Variants in PREP observed in about 807,000 individuals in gnomAD.
The protein encoded by PREP is dJ355L5.1 (prolyl endopeptidase).
In PREP, 29 loss-of-function variants were observed where a neutral mutation model predicts 87.6. The ratio of observed to expected loss-of-function variants is 0.33; its 90% CI spans 0.25 to 0.45. The LOEUF (loss-of-function observed/expected upper bound fraction) is 0.45. Ranked by LOEUF, PREP falls within the 20% of genes least tolerant of loss-of-function variation. The pLI, the probability that PREP is intolerant of heterozygous loss-of-function variation, is 1.00. For missense variants in PREP, 695 were observed against 886.5 expected (o/e 0.78, Z 2.74); for synonymous variants, 337 against 328.6 (o/e 1.03, Z -0.28).
intron 10 of PREP, among the ~76,000 whole-genome samples, chr6:105,301,393 C>A (rs1266133594): frequency 1.3e-5 from 2 of 152,202 alleles, no homozygotes; most frequent in Non-Finnish European, 2.9e-5. Flanking sequence ...CATTCCATTA[C>A]CAAAAGAACT....
chr6:105,287,803 T>C (rs543529189), intron 11 of PREP, among the ~76,000 whole-genome samples: 21 of 152,342 alleles, frequency 1.4e-4, no homozygotes, highest in African/African-American at 4.8e-4. Flanking sequence ...TCCTTGTTTT[T>C]ATTAAAAGTG....
intron 2 of PREP, among the ~76,000 whole-genome samples, chr6:105,378,895 C>T (rs1454112435): frequency 6.6e-6 from 1 of 152,176 alleles, no homozygotes; most frequent in Admixed American, 6.5e-5. Context: ...TCCAAGCTCA[C>T]AATGGTCTTC....
intron 10 of PREP, among the ~76,000 whole-genome samples, chr6:105,304,397 C>T (rs1370115957): frequency 2.0e-5 from 3 of 152,264 alleles, no homozygotes; most frequent in Non-Finnish European, 4.4e-5. Flanking sequence ...GTCATTCTGA[C>T]GCAGATAAAT....
chr6:105,336,209 G>A (rs762461718), intron 7 of PREP, among the ~76,000 whole-genome samples: 6 of 152,022 alleles, frequency 3.9e-5, no homozygotes, highest in Non-Finnish European at 7.4e-5. Flanking sequence ...GCAGTGAGCC[G>A]AGATCACACC....
chr6:105,308,325 C>T (rs1770693330), intron 10 of PREP, among the ~76,000 whole-genome samples: 1 of 152,134 alleles, frequency 6.6e-6, no homozygotes, highest in South Asian at 2.1e-4. Flanking sequence ...ATTTACATGT[C>T]AGTAGAATTG....
At chr6:105,323,919 T>C in intron 9 of PREP, 151 bp from the exon 10 acceptor site, 1 of 674,994 alleles carries the variant, frequency 1.5e-6, no homozygotes, top group Non-Finnish European at 2.6e-6. Flanking sequence ...GAAGGCTCAC[T>C]GCAGACAAGT....
Position 105,328,998 on chromosome 6 carries a change from G to C in PREP, c.1044C>G (p.Phe348Leu), listed in dbSNP as rs1762253370. Residue 348 changes from phenylalanine (F) to leucine (L), a missense_variant, in exon 9 of 15, where the codon TTC (phenylalanine) becomes TTG (leucine). This residue lies in a region of PREP where 517 missense variants were observed against 620.3 expected (regional missense o/e 0.83). Transcript: ENST00000652536. ...CGTCATGGAGGTAGCATAAGACCAA[G>C]AAGTTGGACCTGACACAAGCTATCC... ...LEWIACVRSNFLVLCYLHDVK... is the reference protein window; with the variant it reads ...LEWIACVRSNLLVLCYLHDVK... 6.2e-7 allele frequency: 1 copy of C among 1,613,952 alleles called. No homozygotes were observed. The highest frequency in any genetic ancestry group is 1.3e-5 in the African/African-American group (1 of 74,920).
intron 2 of PREP, among the ~76,000 whole-genome samples, chr6:105,394,481 C>A (rs1180310427): frequency 6.6e-6 from 1 of 151,672 alleles, no homozygotes; most frequent in Non-Finnish European, 1.5e-5. Context: ...TTACTAGGTA[C>A]AAAATATATA....
Position 105,308,286 on chromosome 6 carries a change from T to C in PREP, c.1317+15379A>G, listed in dbSNP as rs577047314. On this transcript the variant is annotated intron_variant, in intron 10 of 14. Coordinates refer to ENST00000652536, the MANE Select transcript of PREP (RefSeq NM_002726.5). ...ACAAACTAATGATCCTAGATTCTCA[T>C]AAAACACAATACGGAATGGGTCAAC... Among the ~76,000 whole-genome samples the C allele has an allele frequency of 4.9e-4, 74 of 152,302 alleles. No homozygotes were observed. In the South Asian group the frequency reaches 0.014, roughly 30 times the overall value.
At chr6:105,351,387 G>C (rs903028022) in intron 7 of PREP, among the ~76,000 whole-genome samples, 1 of 151,008 alleles carries the variant, frequency 6.6e-6, no homozygotes, top group Non-Finnish European at 1.5e-5. Context: ...GTTTTTGAGA[G>C]CCTAGTGCAC....
chr6:105,401,710 G>A (rs1214144691), intron 1 of PREP, among the ~76,000 whole-genome samples: 3 of 152,178 alleles, frequency 2.0e-5, no homozygotes, highest in Admixed American at 2.0e-4. Context: ...ATGGTTACCA[G>A]ATGGCCACTG....
At chr6:105,307,462 G>C (rs1253369789) in intron 10 of PREP, among the ~76,000 whole-genome samples, 13 of 152,028 alleles carry the variant, frequency 8.6e-5, no homozygotes, top group Non-Finnish European at 1.5e-4. Context: ...ATGCTTGATT[G>C]CATCTCCATT....
rs1010251525 is a variant in PREP, at chr6:105,275,806, A to C, written c.*2338T>G. Among the ~76,000 whole-genome samples the C allele has an allele frequency of 1.3e-5, 2 of 152,232 alleles. No homozygotes were observed. Among genetic ancestry groups the C allele is most frequent in the African/African-American group, 4.8e-5 (2 of 41,466 alleles). The stretch of plus-strand genomic sequence containing the variant: ...AGCAACATGGATGGAACTGAAGGTC[A>C]ATATGGTAAGTGAAATAAGCCAGGC... On this transcript the variant is annotated 3_prime_UTR_variant, in exon 15 of 15. Transcript: ENST00000652536.
At chr6:105,362,174 G>C (rs1354389209) in intron 6 of PREP, among the ~76,000 whole-genome samples, 1 of 152,194 alleles carries the variant, frequency 6.6e-6, no homozygotes, top group Non-Finnish European at 1.5e-5. Flanking sequence ...ACAATCTACT[G>C]TTGGGGTTGG....
intron 12 of PREP, among the ~76,000 whole-genome samples, chr6:105,282,997 C>T (rs1360025059): frequency 6.6e-6 from 1 of 152,210 alleles, no homozygotes; most frequent in African/African-American, 2.4e-5. Flanking sequence ...GCACCCGAGC[C>T]GGAGCTGGCT....
chr6:105,383,118 A>G (rs1479579857), intron 2 of PREP, among the ~76,000 whole-genome samples: 1 of 152,234 alleles, frequency 6.6e-6, no homozygotes, highest in Admixed American at 6.5e-5. Context: ...AGGGCAGGAC[A>G]GTCAAGGTAG....
At chr6:105,372,848 A>G (rs1034487093) in intron 5 of PREP, among the ~76,000 whole-genome samples, 9 of 152,224 alleles carry the variant, frequency 5.9e-5, no homozygotes, top group Non-Finnish European at 1.3e-4. Context: ...ATTTTTCCGC[A>G]GTTCCCTGTA....
At chr6:105,338,569 T>C (rs1007086853) in intron 7 of PREP, among the ~76,000 whole-genome samples, 1 of 152,178 alleles carries the variant, frequency 6.6e-6, no homozygotes, top group Non-Finnish European at 1.5e-5. Flanking sequence ...CCATTGAGCA[T>C]GAGCCGAAGC....
intron 7 of PREP, among the ~76,000 whole-genome samples, chr6:105,337,102 G>A (rs148348422): frequency 6.6e-6 from 1 of 152,166 alleles, no homozygotes; most frequent in East Asian, 1.9e-4. Context: ...CACTGTGTAA[G>A]TATATTTACC....
Sources: gnomAD v4.1 joint callset for allele counts (sites outside exome capture counted in the v4.1 genomes callset) on GRCh38, gnomAD v4.1.1 for gene constraint, gnomAD v4.1.1 regional missense constraint, MANE v1.5 for transcripts, NCBI Gene and HGNC (gene_info 2026-07-23, HGNC 2026-07-21) for gene names.